The following DERA variants were observed in gnomAD, a reference collection of about 807,000 sequenced individuals.
DERA encodes 2-deoxy-D-ribose 5-phosphate aldolase.
In DERA, 15 loss-of-function variants were observed where a neutral mutation model predicts 41.1. The observed-to-expected ratio is 0.37, with a 90% CI of 0.24 to 0.56. The LOEUF (loss-of-function observed/expected upper bound fraction) is 0.56, where lower values mean the gene tolerates loss of function less well. Among genes scored for constraint, DERA ranks in the 20% least tolerant of loss-of-function variants. The pLI, the probability that DERA is intolerant of heterozygous loss-of-function variation, is 0.81. For synonymous variants in DERA, 139 were observed against 137.4 expected (o/e 1.01, Z -0.08); for missense variants, 396 against 403.4 (o/e 0.98, Z 0.16).
rs1470062796 is a variant in DERA at position 16,013,696 on chromosome 12, A to C, written c.638-18846A>C. On this transcript the variant is annotated intron_variant, in intron 6 of 8. Transcript: ENST00000428559. The surrounding 1 kb of genome is among the most constrained non-coding windows in gnomAD (Gnocchi z 5.8). ...AAGGATACCCGAAAATGCGGAAGCA[A>C]CTTTGGAACTGGTTAACAGGAAGAG... Among the ~76,000 whole-genome samples the C allele has an allele frequency of 6.6e-6, 1 of 152,240 alleles. No homozygotes were observed. Among genetic ancestry groups the C allele is most frequent in the African/African-American group, 2.4e-5 (1 of 41,458 alleles).
intron 1 of DERA, among the ~76,000 whole-genome samples, chr12:15,919,686 A>G (rs12310229): frequency 1.3e-5 from 2 of 152,068 alleles, no homozygotes; most frequent in Non-Finnish European, 2.9e-5. Context: ...CCAGCAAACT[A>G]TACAGATTTT....
rs563799600 is a variant in DERA, at chr12:15,922,982, G to C, written c.31+11568G>C. Among the ~76,000 whole-genome samples the C allele has an allele frequency of 4.0e-5, 6 of 150,106 alleles. No individual in the cohort carries two copies. The highest frequency in any genetic ancestry group is 1.2e-4 in the African/African-American group (5 of 41,030). ...TTCTGTTCAGTTTTGCTGTGAGTCT[G>C]AAACTGCTCTAAAAAATAGTGGTTT... On this transcript the variant is annotated intron_variant, in intron 1 of 8. Coordinates refer to ENST00000428559, the MANE Select transcript of DERA (RefSeq NM_015954.4). The surrounding 1 kb of genome is among the most constrained non-coding windows in gnomAD (Gnocchi z 4.9).
intron 5 of DERA, among the ~76,000 whole-genome samples, chr12:15,978,430 G>A (rs1948712903): frequency 6.6e-6 from 1 of 152,154 alleles, no homozygotes; most frequent in Non-Finnish European, 1.5e-5. Context: ...AGCTAGTATT[G>A]AATGATTAAC....
intron 5 of DERA, among the ~76,000 whole-genome samples, chr12:15,971,118 CGG>C (rs1264895680): frequency 2.0e-5 from 3 of 152,134 alleles, no homozygotes. Flanking sequence ...TCAACAGCCC[CGG>C]ATTAATAACA....
At position 15,977,681 on chromosome 12, in the gene DERA, C is replaced by CTTG. The variant is rs1219543173; in HGVS notation, c.509-4626_509-4625insTGT. On this transcript the variant is annotated intron_variant, in intron 5 of 8. Transcript: ENST00000428559. ...CCATGTTGGCCAGACTTGTCTCGAACTCCTGACCTCAGGTGATCCACCTGC... is the reference window on the plus strand; with the variant it reads ...CCATGTTGGCCAGACTTGTCTCGAACTTGTCCTGACCTCAGGTGATCCACCTGC... Among the ~76,000 whole-genome samples the CTTG allele has an allele frequency of 7.9e-5, 12 of 152,304 alleles. No homozygotes were observed. In the East Asian group the frequency reaches 2.3e-3, roughly 29 times the overall value.
chr12:15,977,462 T>C (rs962985671), intron 5 of DERA, among the ~76,000 whole-genome samples: 1 of 152,210 alleles, frequency 6.6e-6, no homozygotes, highest in Non-Finnish European at 1.5e-5. Flanking sequence ...TTTCTTTCTT[T>C]CTTTTTTGAG....
In DERA at chr12:15,959,935, T is replaced by C. The variant is rs1268280901; in HGVS notation, c.373+11T>C. On this transcript the variant is annotated intron_variant, in intron 4 of 8. Coordinates refer to ENST00000428559, the MANE Select transcript of DERA (RefSeq NM_015954.4). This position sits in a 1 kb window ranked among gnomAD's most constrained non-coding sequence, Gnocchi z 4.5. ...TCCCTGTGGCATCAGGTAAAATGTG[T>C]TGTGGCTTTTGTTGTTATTTTTTAA... 1.3e-6 allele frequency: 2 copies of C among 1,527,170 alleles called. No homozygotes were observed. The highest frequency in any genetic ancestry group is 2.5e-5 in the East Asian group (1 of 40,632). 94.6% of individuals were successfully genotyped at this position (1,527,170 alleles called of 1,614,324 possible).
intron 1 of DERA, among the ~76,000 whole-genome samples, chr12:15,923,017 CTTTTTTTTTTTTT>C (rs1208644862): frequency 9.6e-6 from 1 of 104,428 alleles, no homozygotes. Flanking sequence ...TTTGTTTTTG[CTTTTTTTTTTTTT>C]TTTTTTTTTT....
At chr12:15,925,821 G>C (rs1948277820) in intron 1 of DERA, among the ~76,000 whole-genome samples, 1 of 137,552 alleles carries the variant, frequency 7.3e-6, no homozygotes, top group Non-Finnish European at 1.6e-5. Context: ...AACTCCTGAG[G>C]CTTTTTTTTT....
chr12:16,026,448 A>G lies in DERA; in HGVS notation c.638-6094A>G, dbSNP rs56102065. Among the ~76,000 whole-genome samples the G allele has an allele frequency of 0.37, 56,428 of 151,230 alleles. 11,112 individuals carry two copies. The highest frequency in any genetic ancestry group is 0.42 in the Non-Finnish European group (28,383 of 67,644). On this transcript the variant is annotated intron_variant, in intron 6 of 8. Transcript: ENST00000428559. The surrounding 1 kb of genome is among the most constrained non-coding windows in gnomAD (Gnocchi z 4.4). The stretch of plus-strand genomic sequence containing the variant: ...TTGATAACTTAGGTGAAATGGATCA[A>G]TCCTCAAAAGACATAAACAACCAAA...
At chr12:15,933,230 T>C (rs1025817713) in intron 1 of DERA, among the ~76,000 whole-genome samples, 2 of 152,168 alleles carry the variant, frequency 1.3e-5, no homozygotes, top group Non-Finnish European at 2.9e-5. Flanking sequence ...TTTTAATTTT[T>C]TGAGGAACCT....
chr12:16,018,172 C>G (rs980266055), intron 6 of DERA, among the ~76,000 whole-genome samples: 3 of 152,058 alleles, frequency 2.0e-5, no homozygotes, highest in Non-Finnish European at 4.4e-5. Context: ...TTTAAATATA[C>G]TACTTTGGTC....
intron 1 of DERA, among the ~76,000 whole-genome samples, chr12:15,930,010 A>G (rs1004623677): frequency 2.6e-5 from 4 of 152,160 alleles, no homozygotes; most frequent in African/African-American, 9.7e-5. Context: ...GAGTTTTGTA[A>G]GTAAAAAATA....
rs980736775 is a variant in DERA at position 15,928,629 on chromosome 12, A to G, written c.31+17215A>G. Among the ~76,000 whole-genome samples the G allele has an allele frequency of 1.3e-5, 2 of 152,146 alleles. No homozygotes were observed. Among genetic ancestry groups the G allele is most frequent in the African/African-American group, 2.4e-5 (1 of 41,434 alleles). ...TGTGGGTGTGTTGGACTCTTATTGCATGCTTTTCCCACCCCCGAGGTGTCT... is the reference window on the plus strand; with the variant it reads ...TGTGGGTGTGTTGGACTCTTATTGCGTGCTTTTCCCACCCCCGAGGTGTCT... On this transcript the variant is annotated intron_variant, in intron 1 of 8. Transcript: ENST00000428559. This position sits in a 1 kb window ranked among gnomAD's most constrained non-coding sequence, Gnocchi z 4.6.
chr12:15,947,544 T>G (rs556839077), intron 1 of DERA, among the ~76,000 whole-genome samples: 6 of 152,310 alleles, frequency 3.9e-5, no homozygotes, highest in African/African-American at 4.8e-5. Context: ...GCCTTTTTAT[T>G]GTTTTCCATT....
chr12:15,969,703 A>G (rs1339138593), intron 5 of DERA, among the ~76,000 whole-genome samples: 3 of 152,224 alleles, frequency 2.0e-5, no homozygotes, highest in African/African-American at 4.8e-5. Flanking sequence ...AATCCTAAAG[A>G]CCTTGAATCA....
At position 15,959,755 on chromosome 12, in the gene DERA, TA is replaced by T; in HGVS notation, c.278-71del. ...TTTGATTTTTGCCAGTGTTGCGATA[TA>T]AATAATAATTAAAAGCATGTTGTAT... is the stretch of plus-strand genomic sequence containing the variant. On this transcript the variant is annotated intron_variant, in intron 3 of 8. Coordinates refer to ENST00000428559, the MANE Select transcript of DERA (RefSeq NM_015954.4). The surrounding 1 kb of genome is among the most constrained non-coding windows in gnomAD (Gnocchi z 4.5). 9.8e-7 allele frequency: 1 copy of T among 1,016,068 alleles called. No individual in the cohort carries two copies. Among genetic ancestry groups the T allele is most frequent in the Non-Finnish European group, 1.5e-6 (1 of 687,396 alleles). 62.9% of individuals were successfully genotyped at this position (1,016,068 alleles called of 1,614,324 possible).
rs1009983342 is a variant in DERA, at chr12:15,921,657, C to T, written c.31+10243C>T. On this transcript the variant is annotated intron_variant, in intron 1 of 8. Transcript: ENST00000428559. This position sits in a 1 kb window ranked among gnomAD's most constrained non-coding sequence, Gnocchi z 5.3. The stretch of plus-strand genomic sequence containing the variant: ...TCCAAAGAGGCCAGGCATGGTGGCT[C>T]ATGCCTGTAATCCCAGCATTTTGGG... Among the ~76,000 whole-genome samples the T allele has an allele frequency of 2.6e-5, 4 of 152,084 alleles. No individual in the cohort carries two copies. The highest frequency in any genetic ancestry group is 1.9e-4 in the East Asian group (1 of 5,176).
chr12:15,950,691 A>G (rs1172372421), intron 1 of DERA, among the ~76,000 whole-genome samples: 1 of 152,122 alleles, frequency 6.6e-6, no homozygotes, highest in South Asian at 2.1e-4. Context: ...GTCCTGCTCA[A>G]ATGTTTTATT....
Sources: gnomAD v4.1 joint callset for allele counts (sites outside exome capture counted in the v4.1 genomes callset) on GRCh38, gnomAD v4.1.1 for gene constraint, Gnocchi (gnomAD v3.1) non-coding constraint, MANE v1.5 for transcripts, NCBI Gene and HGNC (gene_info 2026-07-23, HGNC 2026-07-21) for gene names.